Variants in ATP9B observed in about 807,000 individuals in gnomAD.
ATP9B encodes probable phospholipid-transporting ATPase IIB.
In ATP9B, 110 loss-of-function variants were observed where a neutral mutation model predicts 146.1. The ratio of observed to expected loss-of-function variants is 0.75; its 90% CI spans 0.65 to 0.88. The LOEUF is 0.88. ATP9B is among the 40% of genes least tolerant of loss of function. The probability of loss-of-function intolerance (pLI) is 0.00; values close to 1 mark genes in which losing one functional copy is unlikely to be tolerated. For synonymous variants in ATP9B, 604 were observed against 569.7 expected (o/e 1.06, Z -0.86); for missense variants, 1,499 against 1,496.4 (o/e 1.00, Z -0.03).
At chr18:79,347,612 C>A (rs1021594398) in intron 23 of ATP9B, among the ~76,000 whole-genome samples, 158 bp from the exon 24 acceptor site, 1 of 152,238 alleles carries the variant, frequency 6.6e-6, no homozygotes, top group Non-Finnish European at 1.5e-5. Flanking sequence ...TGTCTGAGAC[C>A]ATAGGACCTG....
chr18:79,155,632 T>C (rs1225048282), intron 7 of ATP9B, among the ~76,000 whole-genome samples: 1 of 152,168 alleles, frequency 6.6e-6, no homozygotes, highest in Non-Finnish European at 1.5e-5. Flanking sequence ...ATCTTATTTC[T>C]AATGTGAAAA....
chr18:79,263,807 G>A (rs140050911), intron 12 of ATP9B, among the ~76,000 whole-genome samples: 134 of 152,316 alleles, frequency 8.8e-4, no homozygotes, highest in African/African-American at 3.1e-3. Context: ...AGAGCAGGCC[G>A]GGCGCGTTGG....
intron 19 of ATP9B, among the ~76,000 whole-genome samples, chr18:79,340,984 C>CA (rs2096855116): frequency 6.6e-6 from 1 of 152,220 alleles, no homozygotes; most frequent in African/African-American, 2.4e-5. Flanking sequence ...CTTTGACACT[C>CA]ACAGCTATCC....
At chr18:79,256,263 A>ATATATATATATATATATATATATG (rs2096077058) in intron 12 of ATP9B, among the ~76,000 whole-genome samples, 1 of 125,932 alleles carries the variant, frequency 7.9e-6, no homozygotes, top group Non-Finnish European at 1.7e-5. Flanking sequence ...CTAGCTATAT[A>ATATATATATATATATATATATATG]TATATATATA....
chr18:79,136,742 C>T (rs928623980), intron 5 of ATP9B, among the ~76,000 whole-genome samples: 3 of 152,108 alleles, frequency 2.0e-5, no homozygotes, highest in African/African-American at 7.2e-5. Flanking sequence ...TCTGTTCTCA[C>T]GCTGCTAATA....
chr18:79,154,951 T>C (rs530774339), intron 7 of ATP9B, among the ~76,000 whole-genome samples: 2 of 152,374 alleles, frequency 1.3e-5, no homozygotes, highest in African/African-American at 4.8e-5. Context: ...CTGTGAAATA[T>C]ATTTGTTTAA....
chr18:79,074,409 CT>C (rs1239148360), intron 1 of ATP9B, among the ~76,000 whole-genome samples: 1 of 152,232 alleles, frequency 6.6e-6, no homozygotes. Flanking sequence ...ATCCCTATTG[CT>C]GGTGCCACCT....
At chr18:79,209,305 C>G (rs1479141067) in intron 10 of ATP9B, among the ~76,000 whole-genome samples, 1 of 152,226 alleles carries the variant, frequency 6.6e-6, no homozygotes, top group Non-Finnish European at 1.5e-5. Flanking sequence ...CAGCCTGTTT[C>G]TTCCATCTCA....
chr18:79,224,385 T>C (rs2095709373), intron 11 of ATP9B, among the ~76,000 whole-genome samples: 1 of 152,168 alleles, frequency 6.6e-6, no homozygotes, highest in South Asian at 2.1e-4. Context: ...GGGAAAGTGC[T>C]GGAACCTCTG....
intron 1 of ATP9B, among the ~76,000 whole-genome samples, chr18:79,081,513 T>TTACCAA (rs1308391838): frequency 6.6e-6 from 1 of 151,688 alleles, no homozygotes; most frequent in African/African-American, 2.4e-5. Flanking sequence ...TACTTCTTTA[T>TTACCAA]TAGTCTGGCT....
chr18:79,292,820 C>T (rs2096520038), intron 13 of ATP9B, among the ~76,000 whole-genome samples: 1 of 151,966 alleles, frequency 6.6e-6, no homozygotes, highest in African/African-American at 2.4e-5. Flanking sequence ...TGCAGTGGCA[C>T]AATTGTGGGT....
At chr18:79,146,925 C>A (rs1288202387) in intron 6 of ATP9B, 1 of 152,072 alleles carries the variant, frequency 6.6e-6, no homozygotes, top group African/African-American at 2.4e-5. Context: ...GGATAAAAAA[C>A]AAAAAAACCA....
intron 5 of ATP9B, among the ~76,000 whole-genome samples, chr18:79,127,595 G>A (rs531050962): frequency 6.6e-6 from 1 of 152,252 alleles, no homozygotes; most frequent in African/African-American, 2.4e-5. Flanking sequence ...CACATTTTGT[G>A]TATCCATTCA....
chr18:79,071,902 T>G (rs376407049), intron 1 of ATP9B, among the ~76,000 whole-genome samples: 9 of 132,980 alleles, frequency 6.8e-5, no homozygotes, highest in Non-Finnish European at 8.9e-5. Context: ...TTTTTTTTTT[T>G]TTTTGGTTTT....
chr18:79,348,033 C>T, intron 24 of ATP9B, 99 bp from the exon 25 acceptor site: 2 of 1,599,990 alleles, frequency 1.3e-6, no homozygotes, highest in Non-Finnish European at 1.7e-6. Flanking sequence ...CCGGAAGTAC[C>T]TGGGCTGTGC....
chr18:79,184,513 T>C (rs2095285967), intron 8 of ATP9B, among the ~76,000 whole-genome samples: 1 of 152,184 alleles, frequency 6.6e-6, no homozygotes, highest in African/African-American at 2.4e-5. Flanking sequence ...TTTTTTTTTA[T>C]GTTGTGAAAT....
intron 11 of ATP9B, among the ~76,000 whole-genome samples, chr18:79,250,713 T>C (rs1435682194): frequency 1.4e-4 from 22 of 152,208 alleles, no homozygotes; most frequent in Admixed American, 1.4e-3. Flanking sequence ...CGCTGTGGTC[T>C]TCAGCTGCCC....
chr18:79,118,384 G>GTTTTTTTTTTTTT lies in ATP9B; in HGVS notation c.558+5035_558+5036insTTTTTTTTTTTTT, dbSNP rs1304879263. Among the ~76,000 whole-genome samples the GTTTTTTTTTTTTT allele has an allele frequency of 3.0e-4, 22 of 73,486 alleles. 4 individuals carry two copies. The highest frequency in any genetic ancestry group is 9.6e-4 in the African/African-American group (18 of 18,684). The allele number at this position is 73,486 out of a possible 152,430, so 48.2% of individuals were successfully genotyped here. A position where few individuals can be genotyped will look rare whatever the true frequency, so the allele number is the denominator to read the frequency against. On this transcript the variant is annotated intron_variant, in intron 4 of 29. Transcript: ENST00000426216. The stretch of plus-strand genomic sequence containing the variant: ...ATTTTAAAACACAATCATATTGAAC[G>GTTTTTTTTTTTTT]TTTTTGTTTTTTTTTTTTTTTTTTT...
At chr18:79,263,814 T>G (rs1349091064) in intron 12 of ATP9B, among the ~76,000 whole-genome samples, 1 of 152,140 alleles carries the variant, frequency 6.6e-6, no homozygotes, top group African/African-American at 2.4e-5. Flanking sequence ...GCCGGGCGCG[T>G]TGGCTCACGC....
Sources: allele counts gnomAD v4.1 joint callset (sites outside exome capture counted in the v4.1 genomes callset), GRCh38; gene constraint gnomAD v4.1.1; transcripts MANE v1.5; gene names NCBI Gene and HGNC (gene_info 2026-07-23, HGNC 2026-07-21).